PBX4: variants seen among roughly 807,000 people sequenced by gnomAD.
PBX4 encodes pre-B-cell leukemia transcription factor 4.
PBX4 carries 26 observed loss-of-function variants against 35.1 expected under a neutral mutation model. The observed-to-expected ratio is 0.74, with a 90% confidence interval of 0.54 to 1.03. The LOEUF (loss-of-function observed/expected upper bound fraction) is 1.03, where lower values mean the gene tolerates loss of function less well. Ranked by LOEUF, PBX4 falls within the 50% of genes least tolerant of loss-of-function variation. The pLI is 0.00. For synonymous variants in PBX4, 199 were observed against 204.2 expected (o/e 0.97, Z 0.22); for missense variants, 448 against 504.3 (o/e 0.89, Z 1.07).
chr19:19,576,166 G>A (rs1301885177), intron 2 of PBX4, among the ~76,000 whole-genome samples: 1 of 152,182 alleles, frequency 6.6e-6, no homozygotes, highest in African/African-American at 2.4e-5. Context: ...GAGGTGGTAG[G>A]ACTGCTTGAC....
At chr19:19,582,921 C>T (rs1337785901) in intron 2 of PBX4, among the ~76,000 whole-genome samples, 1 of 152,244 alleles carries the variant, frequency 6.6e-6, no homozygotes, top group East Asian at 1.9e-4. Flanking sequence ...AAGTGAGCCA[C>T]ATCCGTCACA....
intron 2 of PBX4, among the ~76,000 whole-genome samples, chr19:19,594,065 T>G (rs2061544460): frequency 1.4e-5 from 2 of 139,618 alleles, no homozygotes; most frequent in South Asian, 4.6e-4. Context: ...GGCAACACAG[T>G]GAGACTCTGT....
intron 5 of PBX4, 139 bp downstream of exon 5, chr19:19,569,310 T>G (rs1044547380): frequency 3.4e-6 from 4 of 1,161,218 alleles, no homozygotes; most frequent in Non-Finnish European, 4.7e-6. Context: ...CCCTCCTACC[T>G]CATCCTCCCA....
chr19:19,585,094 C>A (rs1203967355), intron 2 of PBX4, among the ~76,000 whole-genome samples: 4 of 152,006 alleles, frequency 2.6e-5, no homozygotes, highest in African/African-American at 9.7e-5. Flanking sequence ...AGGACAGGCG[C>A]TAGAACAGGC....
At chr19:19,576,029 G>C (rs987163145) in intron 2 of PBX4, among the ~76,000 whole-genome samples, 1 of 152,336 alleles carries the variant, frequency 6.6e-6, no homozygotes, top group Middle Eastern at 3.4e-3. Flanking sequence ...ATGAGAGTGT[G>C]TGTGTTCATG....
intron 1 of PBX4, among the ~76,000 whole-genome samples, chr19:19,612,646 A>T (rs570097992): frequency 2.0e-5 from 3 of 152,030 alleles, no homozygotes; most frequent in Non-Finnish European, 4.4e-5. Flanking sequence ...TCTGGACTTG[A>T]GTGAACTTTA....
intron 2 of PBX4, among the ~76,000 whole-genome samples, chr19:19,591,383 T>C (rs1271464777): frequency 6.6e-6 from 1 of 152,206 alleles, no homozygotes; most frequent in Admixed American, 6.5e-5. Context: ...GAGAATGGCT[T>C]ATGCCTGCCA....
chr19:19,581,840 TG>T (rs2144735445), intron 2 of PBX4, among the ~76,000 whole-genome samples: 1 of 152,276 alleles, frequency 6.6e-6, no homozygotes, highest in African/African-American at 2.4e-5. Flanking sequence ...AAGGTGTTCC[TG>T]CCACGATGCA....
rs576795340 is a variant in PBX4 at position 19,609,677 on chromosome 19, G to A, written c.119+8834C>T. ...CATCCTGGCTCACACGGTGAAACCC[G>A]GTCTCTACTAAAAATACAAAAAAAT... is the stretch of plus-strand genomic sequence containing the variant. On this transcript the variant is annotated intron_variant, in intron 1 of 7. Transcript: ENST00000251203. Among the ~76,000 whole-genome samples the A allele has an allele frequency of 4.7e-5, 7 of 149,072 alleles. No individual in the cohort carries two copies. The South Asian group carries it at 6.5e-4, about 14-fold the overall frequency.
chr19:19,612,142 T>C (rs1477346003), intron 1 of PBX4, among the ~76,000 whole-genome samples: 1 of 151,764 alleles, frequency 6.6e-6, no homozygotes, highest in Admixed American at 6.6e-5. Flanking sequence ...TGGTGGTGCA[T>C]ACCTGTACAC....
At chr19:19,574,177 T>C (rs1293048387) in intron 2 of PBX4, among the ~76,000 whole-genome samples, 2 of 152,166 alleles carry the variant, frequency 1.3e-5, no homozygotes, top group Admixed American at 6.5e-5. Context: ...GCACCTGGCC[T>C]GTTTCTAAAA....
At chr19:19,600,836 A>G (rs2144773814) in intron 1 of PBX4, among the ~76,000 whole-genome samples, 1 of 148,898 alleles carries the variant, frequency 6.7e-6, no homozygotes, top group Admixed American at 6.7e-5. Context: ...AAAAAAAAAG[A>G]AAGAAAAAAA....
chr19:19,562,349 C>T lies in PBX4; in HGVS notation c.1033-232G>A, dbSNP rs1196389338. Among the ~76,000 whole-genome samples the T allele has an allele frequency of 6.6e-6, 1 of 152,204 alleles. No homozygotes were observed. Among genetic ancestry groups the T allele is most frequent in the Non-Finnish European group, 1.5e-5 (1 of 68,032 alleles). ...GAGCTTCCCCGGCAGGAAAACTGGC[C>T]TCTAGTGGCTTCCCTGGGGCTTAGG... On this transcript the variant is annotated intron_variant, in intron 7 of 7. Transcript: ENST00000251203. This position sits in a 1 kb window ranked among gnomAD's most constrained non-coding sequence, Gnocchi z 4.8.
chr19:19,618,511 C>A lies in PBX4; in HGVS notation c.119G>T (p.Arg40Ile). 1 of 1,483,014 alleles carries A rather than the reference C, an allele frequency of 6.7e-7. No homozygotes were observed. Among genetic ancestry groups the A allele is most frequent in the Non-Finnish European group, 9.0e-7 (1 of 1,112,706 alleles). 91.9% of individuals were successfully genotyped at this position (1,483,014 alleles called of 1,614,324 possible). A position where few individuals can be genotyped will look rare whatever the true frequency, so the allele number is the denominator to read the frequency against. ...TDQSLDEAQA[R>I]KHALNCHRMK... ...CCCCTGCCGAGCCCGCGGGCAGCAC[C>A]TGGCCTGTGCCTCGTCCAGGCTCTG... The change falls in exon 1 of 8, where the codon AGA (arginine) becomes ATA (isoleucine). Residue 40 changes from arginine (R) to isoleucine (I), a missense_variant and splice_region_variant. Transcript: ENST00000251203.
chr19:19,565,087 G>T lies in PBX4; in HGVS notation c.771C>A (p.Val257=). The part of the protein sequence containing the change: ...ARKGGLTISQ[V]SNWFGNKRIR... ...TTCTTTTGTTGCCAAACCAGTTAGA[G>T]ACCTGCGGACACACAGGAGTCACTG... The change falls in exon 6 of 8, where the codon GTC becomes GTA. Residue 257 remains valine (V), a splice_region_variant and synonymous_variant. Transcript: ENST00000251203. The T allele has an allele frequency of 6.2e-7, 1 of 1,614,134 alleles. No homozygotes were observed. Among genetic ancestry groups the T allele is most frequent in the Non-Finnish European group, 8.5e-7 (1 of 1,180,026 alleles).
At chr19:19,566,773 C>T (rs747923188) in intron 5 of PBX4, among the ~76,000 whole-genome samples, 2 of 148,090 alleles carry the variant, frequency 1.4e-5, no homozygotes, top group Admixed American at 6.8e-5. Flanking sequence ...TGCAGTGGTG[C>T]GACCTCAACT....
intron 2 of PBX4, among the ~76,000 whole-genome samples, chr19:19,574,742 C>T (rs1178421559): frequency 1.3e-5 from 2 of 151,870 alleles, no homozygotes; most frequent in Non-Finnish European, 2.9e-5. Context: ...TCAAGCGATT[C>T]TCCTACCTCA....
intron 1 of PBX4, among the ~76,000 whole-genome samples, chr19:19,602,525 C>T (rs1332805288): frequency 2.0e-5 from 3 of 151,980 alleles, no homozygotes; most frequent in African/African-American, 4.8e-5. Flanking sequence ...ATGCTGTGCC[C>T]GAACTCAAGC....
At chr19:19,592,395 G>C (rs898125406) in intron 2 of PBX4, among the ~76,000 whole-genome samples, 1 of 152,182 alleles carries the variant, frequency 6.6e-6, no homozygotes, top group Non-Finnish European at 1.5e-5. Context: ...AAATGCATAC[G>C]CTGAGGGTGT....
Sources: allele counts gnomAD v4.1 joint callset (sites outside exome capture counted in the v4.1 genomes callset), GRCh38; gene constraint gnomAD v4.1.1; non-coding constraint Gnocchi (gnomAD v3.1); transcripts MANE v1.5; gene names NCBI Gene and HGNC (gene_info 2026-07-23, HGNC 2026-07-21).